The following SGCZ variants were observed in gnomAD, a reference collection of about 807,000 sequenced individuals.
The protein encoded by SGCZ is sarcoglycan zeta, also known as zeta-sarcoglycan.
In SGCZ, 40 loss-of-function variants were observed where a neutral mutation model predicts 41.3. The ratio of observed to expected loss-of-function variants is 0.97; its 90% confidence interval spans 0.75 to 1.26. SGCZ has a LOEUF of 1.26. Ranked by LOEUF, SGCZ falls within the 50% of genes most tolerant of loss-of-function variation. SGCZ has a pLI of 0.00. For missense variants in SGCZ, 552 were observed against 369.8 expected (o/e 1.49, Z -4.04); for synonymous variants, 206 against 137.5 (o/e 1.50, Z -3.49).
intron 2 of SGCZ, among the ~76,000 whole-genome samples, chr8:14,427,769 A>T (rs1314300187): frequency 6.6e-6 from 1 of 152,182 alleles, no homozygotes; most frequent in Non-Finnish European, 1.5e-5. Context: ...ACCTGGCCAC[A>T]TGACAGTAAT....
intron 2 of SGCZ, among the ~76,000 whole-genome samples, chr8:14,440,712 CATACGTATACACGTATATGTATAT>C (rs1563330843): frequency 7.5e-6 from 1 of 133,112 alleles, no homozygotes. Flanking sequence ...TATGTATATA[CATACGTATACACGTATATGTATAT>C]ATGTATATAC....
At chr8:14,877,196 T>A (rs1438059398) in intron 1 of SGCZ, among the ~76,000 whole-genome samples, 1 of 152,006 alleles carries the variant, frequency 6.6e-6, no homozygotes, top group Non-Finnish European at 1.5e-5. Flanking sequence ...AGGGTCTTGA[T>A]CTCCTGACAT....
At position 14,715,560 on chromosome 8, in the gene SGCZ, A is replaced by C. The variant is rs73664440; in HGVS notation, c.40-160634T>G. On this transcript the variant is annotated intron_variant, in intron 1 of 7. Transcript: ENST00000382080. ...CACACACACACACACACACACACAC[A>C]AACATGCACACATAAAAACAGGATT... Among the ~76,000 whole-genome samples the C allele has an allele frequency of 1.1e-3, 171 of 151,284 alleles. 1 individual carries two copies. Among genetic ancestry groups the C allele is most frequent in the Middle Eastern group, 3.4e-3 (1 of 294 alleles).
chr8:15,141,965 C>T (rs555943017), intron 1 of SGCZ, among the ~76,000 whole-genome samples: 92 of 152,006 alleles, frequency 6.1e-4, no homozygotes, highest in Non-Finnish European at 9.7e-4. Context: ...AGGAAGGAGC[C>T]TGTAGCAGTG....
At chr8:14,285,054 C>T in intron 3 of SGCZ, among the ~76,000 whole-genome samples, 1 of 152,222 alleles carries the variant, frequency 6.6e-6, no homozygotes, top group Admixed American at 6.5e-5. Context: ...AGACTTATTA[C>T]ATTGATTCTT....
chr8:14,392,944 C>A (rs1804827118), intron 2 of SGCZ, among the ~76,000 whole-genome samples: 1 of 151,942 alleles, frequency 6.6e-6, no homozygotes, highest in South Asian at 2.1e-4. Context: ...TGTTAGCTTA[C>A]TTTTTATTAC....
intron 1 of SGCZ, among the ~76,000 whole-genome samples, chr8:15,183,465 C>T (rs1225501032): frequency 6.6e-6 from 1 of 152,192 alleles, no homozygotes; most frequent in Non-Finnish European, 1.5e-5. Context: ...ACCAAAACTT[C>T]ACTCTATGGC....
At chr8:14,199,808 T>C (rs1805396389) in intron 4 of SGCZ, among the ~76,000 whole-genome samples, 1 of 152,044 alleles carries the variant, frequency 6.6e-6, no homozygotes, top group Non-Finnish European at 1.5e-5. Flanking sequence ...AAAGAAAAAA[T>C]GTGAAAGTTC....
chr8:15,210,985 C>G (rs958256317), intron 1 of SGCZ, among the ~76,000 whole-genome samples: 2 of 151,316 alleles, frequency 1.3e-5, no homozygotes, highest in African/African-American at 2.4e-5. Context: ...CAAATTTTCC[C>G]CTGCAACACC....
At chr8:14,958,955 C>G (rs980936508) in intron 1 of SGCZ, among the ~76,000 whole-genome samples, 1 of 152,034 alleles carries the variant, frequency 6.6e-6, no homozygotes, top group East Asian at 1.9e-4. Flanking sequence ...TTTAATCTTT[C>G]TGTATGTTTG....
chr8:14,734,876 C>T (rs11203666), intron 1 of SGCZ, among the ~76,000 whole-genome samples: 57,937 of 151,986 alleles, frequency 0.38, 13,455 homozygotes, highest in African/African-American at 0.65. Context: ...TAAACAATTA[C>T]ATAAAATATT....
At chr8:14,935,522 TA>T (rs1432713410) in intron 1 of SGCZ, among the ~76,000 whole-genome samples, 1 of 151,904 alleles carries the variant, frequency 6.6e-6, no homozygotes, top group African/African-American at 2.4e-5. Flanking sequence ...TAACAATCAT[TA>T]AAATTGAATC....
At chr8:15,224,234 T>C (rs192117014) in intron 1 of SGCZ, among the ~76,000 whole-genome samples, 2 of 152,308 alleles carry the variant, frequency 1.3e-5, no homozygotes, top group African/African-American at 4.8e-5. Flanking sequence ...TCTTCTTTCA[T>C]AAAGATTCAG....
intron 1 of SGCZ, among the ~76,000 whole-genome samples, chr8:15,058,572 C>T (rs1282060237): frequency 6.6e-6 from 1 of 152,150 alleles, no homozygotes; most frequent in East Asian, 1.9e-4. Flanking sequence ...TTGTCAAACA[C>T]CTTTTGACTG....
At chr8:14,940,930 A>G (rs896938891) in intron 1 of SGCZ, among the ~76,000 whole-genome samples, 1 of 152,122 alleles carries the variant, frequency 6.6e-6, no homozygotes, top group African/African-American at 2.4e-5. Context: ...GCATTCTAGT[A>G]GGAAATAAAC....
rs571980824 is a variant in SGCZ at position 15,201,471 on chromosome 8, A to G, written c.39+36114T>C. Among the ~76,000 whole-genome samples, 92 of 152,342 alleles carry G rather than the reference A, an allele frequency of 6.0e-4. 1 individual carries two copies. The South Asian group carries it at 0.016, about 27-fold the overall frequency. Reference sequence around the variant, plus strand: ...GTTTATGTCCTTTCACTTCACAGGTAAAGAGCTACTCTTGGAGAAATTTAA... The same window carrying G: ...GTTTATGTCCTTTCACTTCACAGGTGAAGAGCTACTCTTGGAGAAATTTAA... On this transcript the variant is annotated intron_variant, in intron 1 of 7. Transcript: ENST00000382080.
intron 1 of SGCZ, among the ~76,000 whole-genome samples, chr8:15,190,959 C>G (rs1020794945): frequency 4.6e-5 from 7 of 151,956 alleles, no homozygotes; most frequent in Admixed American, 4.6e-4. Flanking sequence ...AGTGGACTAT[C>G]TATGGATTCA....
intron 1 of SGCZ, among the ~76,000 whole-genome samples, chr8:15,048,644 C>A (rs989986439): frequency 1.3e-5 from 2 of 152,014 alleles, no homozygotes; most frequent in African/African-American, 4.8e-5. Flanking sequence ...GTGAAAAAGT[C>A]AGATATTCTC....
chr8:14,473,945 A>AAAAAAAGTTTT (rs1801285167), intron 2 of SGCZ, among the ~76,000 whole-genome samples: 1 of 151,794 alleles, frequency 6.6e-6, no homozygotes, highest in Admixed American at 6.6e-5. Flanking sequence ...CTCAAAAAAA[A>AAAAAAAGTTTT]AAAAAAAGTT....
Sources: gnomAD v4.1 joint callset for allele counts (sites outside exome capture counted in the v4.1 genomes callset) on GRCh38, gnomAD v4.1.1 for gene constraint, MANE v1.5 for transcripts, NCBI Gene and HGNC (gene_info 2026-07-23, HGNC 2026-07-21) for gene names.